The following DDX19B variants were observed in gnomAD, a reference collection of about 807,000 sequenced individuals.
DDX19B encodes DEAD-box helicase 19B.
Under a neutral mutation model 58.1 loss-of-function variants are expected in DDX19B, and 27 were observed. The observed-to-expected ratio is 0.46, with a 90% CI of 0.34 to 0.64. The LOEUF (loss-of-function observed/expected upper bound fraction) is 0.64. Ranked by LOEUF, DDX19B falls within the 30% of genes least tolerant of loss-of-function variation. The pLI is 0.01. For missense variants in DDX19B, 399 were observed against 596.5 expected, an observed-to-expected ratio of 0.67 and a Z score of 3.45; for synonymous variants, 187 against 214.4, an observed-to-expected ratio of 0.87 and a Z score of 1.12.
intron 5 of DDX19B, among the ~76,000 whole-genome samples, chr16:70,321,071 T>C (rs1294274014): frequency 6.6e-6 from 1 of 151,252 alleles, no homozygotes; most frequent in African/African-American, 2.4e-5. Flanking sequence ...CAAGCGATTC[T>C]CCTGCCTCCA....
upstream of DDX19B, among the ~76,000 whole-genome samples, chr16:70,290,896 T>A (rs1384606864): frequency 1.3e-5 from 2 of 152,184 alleles, no homozygotes; most frequent in Admixed American, 1.3e-4. Context: ...AAGCCCATGC[T>A]CTTAACCACT....
At chr16:70,309,215 G>C (rs1168475436) in intron 1 of DDX19B, among the ~76,000 whole-genome samples, 1 of 152,160 alleles carries the variant, frequency 6.6e-6, no homozygotes, top group Non-Finnish European at 1.5e-5. Flanking sequence ...GAAATGGGAG[G>C]CTGGGCGCGG....
chr16:70,293,246 A>T (rs1280911197), upstream of DDX19B, among the ~76,000 whole-genome samples: 5 of 151,940 alleles, frequency 3.3e-5, no homozygotes, highest in African/African-American at 1.2e-4. Flanking sequence ...ACAAAACTCA[A>T]CCTCTACAAA....
upstream of DDX19B, among the ~76,000 whole-genome samples, chr16:70,298,392 C>T (rs1421224654): frequency 6.6e-6 from 1 of 151,800 alleles, no homozygotes; most frequent in East Asian, 1.9e-4. Context: ...GGCGACAGAG[C>T]CAGACTCAAT....
intron 1 of DDX19B, among the ~76,000 whole-genome samples, chr16:70,303,244 G>A (rs1961567104): frequency 6.6e-6 from 1 of 152,096 alleles, no homozygotes; most frequent in South Asian, 2.1e-4. Flanking sequence ...CACCTCCTGG[G>A]CTCAAGGGAT....
At chr16:70,295,450 A>T (rs545407175), upstream of DDX19B, among the ~76,000 whole-genome samples, 443 of 143,024 alleles carry the variant, frequency 3.1e-3, 2 homozygotes, top group South Asian at 9.6e-3. Flanking sequence ...CTTAAAAAAA[A>T]TTTTTTTTTT....
At chr16:70,324,176 G>C (rs1225852770) in intron 5 of DDX19B, among the ~76,000 whole-genome samples, 3 of 151,996 alleles carry the variant, frequency 2.0e-5, no homozygotes, top group Non-Finnish European at 4.4e-5. Context: ...TCTTTGGGCA[G>C]AGAAGTAATG....
upstream of DDX19B, among the ~76,000 whole-genome samples, chr16:70,290,718 G>A (rs188459657): frequency 4.8e-4 from 73 of 152,222 alleles, no homozygotes; most frequent in African/African-American, 1.6e-3. Context: ...GTATTTATAC[G>A]TGAGGCATTG....
intron 1 of DDX19B, among the ~76,000 whole-genome samples, chr16:70,303,522 T>C (rs1433762689): frequency 1.3e-5 from 2 of 152,298 alleles, no homozygotes; most frequent in East Asian, 1.9e-4. Context: ...ATAATAGACA[T>C]TTTCAACTTT....
At position 70,299,370 on chromosome 16, in the gene DDX19B, C is replaced by G. The variant is rs376233785; in HGVS notation, c.57+16C>G. The G allele has an allele frequency of 1.6e-4, 249 of 1,601,796 alleles. No individual in the cohort carries two copies. Among genetic ancestry groups the G allele is most frequent in the Admixed American group, 3.4e-4 (20 of 57,978 alleles). On this transcript the variant is annotated intron_variant, in intron 1 of 11. Coordinates refer to ENST00000288071, the MANE Select transcript of DDX19B (RefSeq NM_007242.7). Reference sequence around the variant, plus strand: ...GGCTGAGTCGGTGAGTTGGCTTCAGCCCTAAAAGGGTCAGGGGACTAGTTC... The same window carrying G: ...GGCTGAGTCGGTGAGTTGGCTTCAGGCCTAAAAGGGTCAGGGGACTAGTTC...
At chr16:70,309,300 C>T (rs904648745) in intron 1 of DDX19B, among the ~76,000 whole-genome samples, 8 of 151,218 alleles carry the variant, frequency 5.3e-5, no homozygotes, top group Non-Finnish European at 1.0e-4. Flanking sequence ...TCGAGACCAT[C>T]CTGGCTAACA....
chr16:70,295,180 T>C (rs934309887), upstream of DDX19B: 3 of 811,364 alleles, frequency 3.7e-6, no homozygotes, highest in African/African-American at 5.4e-5. Flanking sequence ...CACTCTTCTT[T>C]CCACGCCCGC....
At chr16:70,313,967 G>GGT (rs1439955367) in intron 2 of DDX19B, among the ~76,000 whole-genome samples, 3 of 152,004 alleles carry the variant, frequency 2.0e-5, no homozygotes, top group Non-Finnish European at 2.9e-5. Flanking sequence ...ACATTTGCCA[G>GGT]GTGTGGTGGT....
chr16:70,294,832 C>T (rs1961161966), upstream of DDX19B: 5 of 1,493,814 alleles, frequency 3.3e-6, no homozygotes, highest in South Asian at 5.1e-5. Context: ...GTGTAACTGC[C>T]ATGCTCAGCC....
chr16:70,305,022 T>C (rs138899751), intron 1 of DDX19B, among the ~76,000 whole-genome samples: 2 of 152,334 alleles, frequency 1.3e-5, no homozygotes, highest in East Asian at 3.9e-4. Flanking sequence ...GTCTACTTTT[T>C]TGTGATGACT....
rs552304183 is a variant in DDX19B, at chr16:70,299,845, T to C, written c.57+491T>C. Among the ~76,000 whole-genome samples the C allele has an allele frequency of 6.6e-5, 10 of 152,270 alleles. No individual in the cohort carries two copies. The South Asian group carries it at 2.1e-3, about 32-fold the overall frequency. Reference sequence around the variant, plus strand: ...GCTTCTTTGGCTCAGGGACCATGTCTTTGCTCATATTTGTGTGCTTCCTCA... The same window carrying C: ...GCTTCTTTGGCTCAGGGACCATGTCCTTGCTCATATTTGTGTGCTTCCTCA... On this transcript the variant is annotated intron_variant, in intron 1 of 11. Transcript: ENST00000288071.
chr16:70,316,666 T>C (rs1312361198), intron 4 of DDX19B, among the ~76,000 whole-genome samples: 1 of 152,094 alleles, frequency 6.6e-6, no homozygotes, highest in Non-Finnish European at 1.5e-5. Flanking sequence ...AAAATATACA[T>C]AAATACTGTA....
chr16:70,290,333 C>G (rs1302239837), upstream of DDX19B, among the ~76,000 whole-genome samples: 2 of 151,932 alleles, frequency 1.3e-5, no homozygotes, highest in African/African-American at 4.8e-5. Flanking sequence ...GTCAGGAGAC[C>G]GAGAGCATCC....
chr16:70,325,317 T>C (rs1263644888), intron 6 of DDX19B, among the ~76,000 whole-genome samples: 1 of 152,240 alleles, frequency 6.6e-6, no homozygotes, highest in Non-Finnish European at 1.5e-5. Flanking sequence ...ATTGGAACTT[T>C]AGATCCTTGC....
Sources: allele counts gnomAD v4.1 joint callset (sites outside exome capture counted in the v4.1 genomes callset), GRCh38; gene constraint gnomAD v4.1.1; transcripts MANE v1.5; gene names NCBI Gene and HGNC (gene_info 2026-07-23, HGNC 2026-07-21).